CNBD1: variants seen among roughly 807,000 people sequenced by gnomAD.
CNBD1 encodes the protein cyclic nucleotide-binding domain-containing protein 1.
CNBD1 carries 71 observed loss-of-function variants against 54.4 expected under a neutral mutation model. That is an observed-to-expected ratio of 1.30 (90% CI 1.08 to 1.59). The LOEUF is 1.59. Among genes scored for constraint, CNBD1 ranks in the 40% most tolerant of loss-of-function variants. The pLI, the probability that CNBD1 is intolerant of heterozygous loss-of-function variation, is 0.00. For missense variants in CNBD1, 659 were observed against 518.0 expected (o/e 1.27, Z -2.64); for synonymous variants, 182 against 170.7 (o/e 1.07, Z -0.51).
At chr8:87,151,079 A>G (rs1264333902) in intron 4 of CNBD1, among the ~76,000 whole-genome samples, 1 of 152,172 alleles carries the variant, frequency 6.6e-6, no homozygotes, top group African/African-American at 2.4e-5. Flanking sequence ...CACAGATCTA[A>G]AAGGTGTTGC....
intron 3 of CNBD1, among the ~76,000 whole-genome samples, chr8:86,933,047 G>A (rs1352545936): frequency 1.3e-5 from 2 of 152,120 alleles, no homozygotes; most frequent in African/African-American, 2.4e-5. Flanking sequence ...ACGGAGAAAG[G>A]TCGGAGTGGA....
chr8:87,335,591 C>T (rs1446182466), intron 8 of CNBD1, among the ~76,000 whole-genome samples: 6 of 152,020 alleles, frequency 3.9e-5, no homozygotes, highest in Admixed American at 1.3e-4. Flanking sequence ...TTTGAGCCTA[C>T]GTGTGTCTTT....
At chr8:86,911,781 G>A (rs1379208793) in intron 3 of CNBD1, among the ~76,000 whole-genome samples, 1 of 152,010 alleles carries the variant, frequency 6.6e-6, no homozygotes, top group African/African-American at 2.4e-5. Flanking sequence ...GGATACAAGA[G>A]CAACGTAAAA....
At chr8:87,262,938 T>A (rs1808172612) in intron 6 of CNBD1, among the ~76,000 whole-genome samples, 1 of 152,124 alleles carries the variant, frequency 6.6e-6, no homozygotes, top group African/African-American at 2.4e-5. Flanking sequence ...TAGAAATGCA[T>A]CTGATAGCTT....
Position 87,340,981 on chromosome 8 carries a change from G to A in CNBD1, c.1043-10704G>A, listed in dbSNP as rs7009356. 1.2e-3 allele frequency among the ~76,000 whole-genome samples: 176 copies of A among 151,778 alleles called. 1 individual carries two copies. The highest frequency in any genetic ancestry group is 1.3e-3 in the Non-Finnish European group (90 of 67,942). ...CTTATAAATATGTGTTAGTATCTGCGTATTTGAAAATACAACTATCTATCT... is the reference window on the plus strand; with the variant it reads ...CTTATAAATATGTGTTAGTATCTGCATATTTGAAAATACAACTATCTATCT... On this transcript the variant is annotated intron_variant, in intron 8 of 10. Transcript: ENST00000518476.
chr8:87,138,879 A>G (rs1202141748), intron 4 of CNBD1, among the ~76,000 whole-genome samples: 1 of 152,244 alleles, frequency 6.6e-6, no homozygotes, highest in Non-Finnish European at 1.5e-5. Flanking sequence ...GAATTTCAAT[A>G]AATGATGTAC....
intron 2 of CNBD1, among the ~76,000 whole-genome samples, chr8:86,899,628 A>G (rs1234408383): frequency 1.3e-5 from 2 of 152,100 alleles, no homozygotes; most frequent in African/African-American, 4.8e-5. Context: ...TATATCTAAC[A>G]TAGAGTAATT....
At chr8:87,426,471 C>G (rs975905484) in intron 2 of CNBD1, among the ~76,000 whole-genome samples, 2 of 152,114 alleles carry the variant, frequency 1.3e-5, no homozygotes, top group African/African-American at 4.8e-5. Context: ...GTTTCACAAC[C>G]ATAAAATTGA....
intron 4 of CNBD1, among the ~76,000 whole-genome samples, chr8:87,137,830 C>T (rs1297176011): frequency 6.6e-6 from 1 of 152,040 alleles, no homozygotes; most frequent in Non-Finnish European, 1.5e-5. Flanking sequence ...CAGAGAGAAG[C>T]TATGAAATAA....
At chr8:87,033,462 C>G (rs774300695) in intron 4 of CNBD1, among the ~76,000 whole-genome samples, 2 of 152,268 alleles carry the variant, frequency 1.3e-5, no homozygotes, top group Non-Finnish European at 2.9e-5. Flanking sequence ...AAAAAGTGTT[C>G]TTGTTGTCCA....
At chr8:87,333,989 A>T (rs1168969575) in intron 8 of CNBD1, among the ~76,000 whole-genome samples, 1 of 152,078 alleles carries the variant, frequency 6.6e-6, no homozygotes, top group Non-Finnish European at 1.5e-5. Flanking sequence ...CTGTTAATCC[A>T]TCTGGTCCTG....
At chr8:87,268,798 G>A (rs1370272905) in intron 6 of CNBD1, among the ~76,000 whole-genome samples, 1 of 151,952 alleles carries the variant, frequency 6.6e-6, no homozygotes, top group Non-Finnish European at 1.5e-5. Context: ...AATTATTTAA[G>A]TTGCATATAG....
intron 4 of CNBD1, among the ~76,000 whole-genome samples, chr8:87,021,393 A>T (rs993820872): frequency 6.6e-6 from 1 of 152,218 alleles, no homozygotes; most frequent in African/African-American, 2.4e-5. Context: ...TGCATTGTTC[A>T]TACCATATAG....
intron 4 of CNBD1, among the ~76,000 whole-genome samples, chr8:87,018,396 TA>T (rs962664514): frequency 1.4e-4 from 21 of 152,120 alleles, no homozygotes; most frequent in Non-Finnish European, 2.6e-4. Context: ...AAAAGGTGGC[TA>T]AAAAAAATTG....
At chr8:87,073,208 T>A (rs954218209) in intron 4 of CNBD1, among the ~76,000 whole-genome samples, 5 of 152,042 alleles carry the variant, frequency 3.3e-5, no homozygotes, top group East Asian at 1.9e-4. Context: ...TGTATTTTTT[T>A]AATCATGATT....
chr8:87,392,621 G>T (rs576321549), intron 2 of CNBD1, among the ~76,000 whole-genome samples: 1 of 151,948 alleles, frequency 6.6e-6, no homozygotes, highest in African/African-American at 2.4e-5. Flanking sequence ...GTATCAGAAA[G>T]TCGATTAGCT....
chr8:87,420,727 AC>A (rs1807918899), intron 2 of CNBD1, among the ~76,000 whole-genome samples: 1 of 150,948 alleles, frequency 6.6e-6, no homozygotes, highest in African/African-American at 2.4e-5. Context: ...ATTTTGTTTT[AC>A]CTACATGTTA....
chr8:87,358,209 A>G (rs1002871713), intron 10 of CNBD1, among the ~76,000 whole-genome samples: 1 of 152,234 alleles, frequency 6.6e-6, no homozygotes, highest in Non-Finnish European at 1.5e-5. Context: ...AAAACTGACT[A>G]ATAGTCTCTT....
chr8:87,150,334 T>C (rs908723107), intron 4 of CNBD1, among the ~76,000 whole-genome samples: 5 of 152,204 alleles, frequency 3.3e-5, no homozygotes, highest in African/African-American at 9.6e-5. Context: ...AAGGTCTATA[T>C]GGCTTTTCAC....
Sources: allele counts gnomAD v4.1 joint callset (sites outside exome capture counted in the v4.1 genomes callset), GRCh38; gene constraint gnomAD v4.1.1; transcripts MANE v1.5; gene names NCBI Gene and HGNC (gene_info 2026-07-23, HGNC 2026-07-21).